Variants in ABCE1 observed in about 807,000 individuals in gnomAD.
The protein encoded by ABCE1 is ATP binding cassette subfamily E member 1, also known as ATP-binding cassette sub-family E member 1.
A neutral mutation model predicts 83.4 loss-of-function variants in ABCE1; 22 were observed. That is an observed-to-expected ratio of 0.26 (90% CI 0.19 to 0.38). ABCE1 has a LOEUF of 0.38. Among genes scored for constraint, ABCE1 ranks in the 10% least tolerant of loss-of-function variants. The pLI is 1.00. For missense variants in ABCE1, 330 were observed against 721.9 expected (o/e 0.46, Z 6.22); for synonymous variants, 204 against 233.7 (o/e 0.87, Z 1.16).
intron 1 of ABCE1, among the ~76,000 whole-genome samples, chr4:145,104,033 A>G (rs1030530634): frequency 4.6e-5 from 7 of 152,074 alleles, no homozygotes; most frequent in African/African-American, 1.4e-4. Context: ...CTGAGATAGC[A>G]TGTCATTTGT....
At chr4:145,101,073 A>AT (rs144026200) in intron 1 of ABCE1, among the ~76,000 whole-genome samples, 6,269 of 151,878 alleles carry the variant, frequency 0.041, 234 homozygotes, top group African/African-American at 0.096. Flanking sequence ...ATATAAAAAA[A>AT]ATATATATAT....
chr4:145,106,300 A>G (rs1327487132), intron 3 of ABCE1, among the ~76,000 whole-genome samples: 1 of 152,050 alleles, frequency 6.6e-6, no homozygotes, highest in Non-Finnish European at 1.5e-5. Flanking sequence ...ACCAGAATTC[A>G]GATACCACAC....
chr4:145,103,461 T>A (rs1345960308), intron 1 of ABCE1, among the ~76,000 whole-genome samples: 3 of 152,334 alleles, frequency 2.0e-5, no homozygotes, highest in African/African-American at 7.2e-5. Flanking sequence ...ATTTTTAAGT[T>A]AACTTTGATC....
chr4:145,107,807 C>G (rs1345760734), intron 3 of ABCE1, among the ~76,000 whole-genome samples: 1 of 152,126 alleles, frequency 6.6e-6, no homozygotes, highest in Non-Finnish European at 1.5e-5. Flanking sequence ...ACAATTTTCC[C>G]CACATATACT....
rs375912421 is a variant in ABCE1, at chr4:145,100,580, AAGTTGTCATTTCCCGAATAAT to A, written c.-28+2164_-28+2184del. ...TGCTGAAGAATCTTCATTTCCTAGG[AAGTTGTCATTTCCCGAATAAT>A]AGCTTTTTTGTGACAATTCAAGCCA... On this transcript the variant is annotated intron_variant, in intron 1 of 17. Transcript: ENST00000296577. Among the ~76,000 whole-genome samples the A allele has an allele frequency of 4.4e-3, 670 of 152,300 alleles. 8 individuals are homozygous for A. Among genetic ancestry groups the A allele is most frequent in the African/African-American group, 0.015 (618 of 41,558 alleles).
rs35516135 is a variant in ABCE1 at position 145,101,034 on chromosome 4, C to T, written c.-28+2615C>T. Among the ~76,000 whole-genome samples the T allele has an allele frequency of 3.8e-3, 575 of 151,032 alleles. 2 individuals carry two copies. The highest frequency in any genetic ancestry group is 0.013 in the African/African-American group (522 of 41,084). On this transcript the variant is annotated intron_variant, in intron 1 of 17. Coordinates refer to ENST00000296577, the MANE Select transcript of ABCE1 (RefSeq NM_002940.3). ...GAGACAATATACATACACACACCCA[C>T]GATAGATGTGTGCATATACACCAGA... is the stretch of plus-strand genomic sequence containing the variant.
intron 17 of ABCE1, among the ~76,000 whole-genome samples, chr4:145,126,356 G>A (rs969219874): frequency 2.0e-5 from 3 of 152,046 alleles, no homozygotes; most frequent in Non-Finnish European, 4.4e-5. Flanking sequence ...GTGCAGTGGC[G>A]TGATCTCGGC....
chr4:145,118,607 A>G (rs774467637), intron 10 of ABCE1, among the ~76,000 whole-genome samples: 1 of 151,844 alleles, frequency 6.6e-6, no homozygotes, highest in African/African-American at 2.4e-5. Context: ...TCAAGTTGAT[A>G]ATAATATGGG....
At chr4:145,112,566 G>A (rs377206759) in intron 9 of ABCE1, among the ~76,000 whole-genome samples, 7 of 152,052 alleles carry the variant, frequency 4.6e-5, no homozygotes, top group Non-Finnish European at 1.0e-4. Flanking sequence ...TGCAAATTCC[G>A]TAGCTTTATA....
intron 17 of ABCE1, among the ~76,000 whole-genome samples, chr4:145,127,223 A>G (rs1579226340): frequency 6.6e-6 from 1 of 152,332 alleles, no homozygotes; most frequent in Middle Eastern, 3.4e-3. Flanking sequence ...TGAAAATGGA[A>G]TTTAATAGTT....
At chr4:145,107,952 T>C in intron 3 of ABCE1, 63 bp from the exon 4 acceptor site, 1 of 1,237,000 alleles carries the variant, frequency 8.1e-7, no homozygotes. Context: ...TTTTAATCCA[T>C]TTTAGTTATG....
rs565947108 is a variant in ABCE1 at position 145,104,404 on chromosome 4, C to G, written c.-9C>G. 4.5e-6 allele frequency: 7 copies of G among 1,569,732 alleles called. No homozygotes were observed. Among genetic ancestry groups the G allele is most frequent in the Non-Finnish European group, 6.1e-6 (7 of 1,152,112 alleles). On this transcript the variant is annotated 5_prime_UTR_variant, in exon 2 of 18. Coordinates refer to ENST00000296577, the MANE Select transcript of ABCE1 (RefSeq NM_002940.3). ...TTCATAGAAGAGCTGGATATTCTTT[C>G]GCCCAGTTATGGCAGACAAGTTAAC... is the stretch of plus-strand genomic sequence containing the variant.
chr4:145,108,519 T>C (rs1749373019), intron 4 of ABCE1, among the ~76,000 whole-genome samples: 1 of 152,218 alleles, frequency 6.6e-6, no homozygotes, highest in Non-Finnish European at 1.5e-5. Flanking sequence ...CTACAGAGAA[T>C]ATCACTTTGA....
intron 10 of ABCE1, among the ~76,000 whole-genome samples, chr4:145,119,274 C>T (rs1579220218): frequency 6.6e-6 from 1 of 151,856 alleles, no homozygotes; most frequent in Admixed American, 6.6e-5. Flanking sequence ...CATTGTTTCT[C>T]AAATACGCTT....
intron 11 of ABCE1, 180 bp from the exon 12 acceptor site, chr4:145,120,994 A>G: frequency 1.7e-6 from 1 of 591,526 alleles, no homozygotes; most frequent in East Asian, 2.9e-5. Context: ...TTACCTTAGA[A>G]TGACACTTCA....
At chr4:145,111,879 C>A (rs1339127529) in intron 8 of ABCE1, among the ~76,000 whole-genome samples, 6 of 152,136 alleles carry the variant, frequency 3.9e-5, no homozygotes, top group African/African-American at 1.4e-4. Flanking sequence ...TCTATAAATT[C>A]TTGAAATACC....
Position 145,127,872 on chromosome 4 carries a change from A to G in ABCE1, c.*299A>G, listed in dbSNP as rs1749935479. 2 of 234,302 alleles carry G rather than the reference A, an allele frequency of 8.5e-6. No individual in the cohort carries two copies. Among genetic ancestry groups the G allele is most frequent in the Non-Finnish European group, 1.6e-5 (2 of 123,058 alleles). The allele number at this position is 234,302 out of a possible 1,614,324, so 14.5% of individuals were successfully genotyped here. A position where few individuals can be genotyped will look rare whatever the true frequency, so the allele number is the denominator to read the frequency against. ...GTATGGGAAGATTTTCAGTAGGTGT[A>G]TTATATTCACGGTACCAAATGCTGA... On this transcript the variant is annotated 3_prime_UTR_variant, in exon 18 of 18. Transcript: ENST00000296577.
chr4:145,126,613 T>C (rs1258663438), intron 17 of ABCE1, among the ~76,000 whole-genome samples: 1 of 152,182 alleles, frequency 6.6e-6, no homozygotes, highest in Non-Finnish European at 1.5e-5. Context: ...GTTTTTAATA[T>C]CTGCAGTGCC....
intron 5 of ABCE1, 40 bp downstream of exon 5, chr4:145,109,289 AG>A: frequency 8.1e-7 from 1 of 1,230,512 alleles, no homozygotes; most frequent in Non-Finnish European, 1.1e-6. Context: ...ATCATGAGTC[AG>A]TTTTATGAGA....
Sources: gnomAD v4.1 joint callset for allele counts (sites outside exome capture counted in the v4.1 genomes callset) on GRCh38, gnomAD v4.1.1 for gene constraint, MANE v1.5 for transcripts, NCBI Gene and HGNC (gene_info 2026-07-23, HGNC 2026-07-21) for gene names.